Variants in SDCBP observed in about 807,000 individuals in gnomAD.
SDCBP encodes syntenin-1.
A neutral mutation model predicts 30.5 loss-of-function variants in SDCBP; 22 were observed. The ratio of observed to expected loss-of-function variants is 0.72; its 90% CI spans 0.52 to 1.03. The LOEUF is 1.03. Ranked by LOEUF, SDCBP falls within the 50% of genes least tolerant of loss-of-function variation. SDCBP has a pLI of 0.00. For missense variants in SDCBP, 304 were observed against 369.9 expected (o/e 0.82, Z 1.46); for synonymous variants, 103 against 118.7 (o/e 0.87, Z 0.86).
At chr8:58,580,677 C>A in intron 8 of SDCBP, 69 bp downstream of exon 8, 1 of 844,480 alleles carries the variant, frequency 1.2e-6, no homozygotes, top group Non-Finnish European at 2.0e-6. Context: ...TACTTTAATT[C>A]TCAGCCCTTT....
At chr8:58,560,927 T>A (rs528111432) in intron 1 of SDCBP, 1 of 152,266 alleles carries the variant, frequency 6.6e-6, no homozygotes, top group African/African-American at 2.4e-5. Flanking sequence ...AACACAGATA[T>A]CTTCATTATC....
intron 3 of SDCBP, among the ~76,000 whole-genome samples, chr8:58,571,806 A>G (rs1268943186): frequency 6.6e-6 from 1 of 152,218 alleles, no homozygotes; most frequent in Non-Finnish European, 1.5e-5. Context: ...AATGAGTTAT[A>G]AAGTAGCTGA....
In SDCBP at chr8:58,582,457, T is replaced by C. The variant is rs1805746198; in HGVS notation, c.*717T>C. ...CTAGCCCAGAACAGTTTAATGGTAC[T>C]TACTGAGCTATAGCATAGCTGCTTA... On this transcript the variant is annotated 3_prime_UTR_variant, in exon 9 of 9. Coordinates refer to ENST00000260130, the MANE Select transcript of SDCBP (RefSeq NM_005625.4). 6.5e-6 allele frequency: 1 copy of C among 152,676 alleles called. No homozygotes were observed. The highest frequency in any genetic ancestry group is 1.5e-5 in the Non-Finnish European group (1 of 68,056). The allele number at this position is 152,676 out of a possible 1,614,324, so 9.5% of individuals were successfully genotyped here.
At position 58,581,818 on chromosome 8, in the gene SDCBP, C is replaced by A; in HGVS notation, c.*78C>A. The A allele has an allele frequency of 1.7e-6, 2 of 1,199,930 alleles. No homozygotes were observed. Among genetic ancestry groups the A allele is most frequent in the Non-Finnish European group, 2.5e-6 (2 of 805,738 alleles). The allele number at this position is 1,199,930 out of a possible 1,614,324, so 74.3% of individuals were successfully genotyped here. On this transcript the variant is annotated 3_prime_UTR_variant, in exon 9 of 9. Transcript: ENST00000260130. ...CAACTTCTGTATTATGCACGTGAAG[C>A]CTTCCCGGAGCCAGCGAGCATATGC...
intron 1 of SDCBP, chr8:58,561,917 A>G: frequency 1.9e-6 from 1 of 530,358 alleles, no homozygotes; most frequent in Admixed American, 3.6e-5. Flanking sequence ...GTAATGCAGT[A>G]TGGGGATGGA....
chr8:58,554,840 C>A (rs1804010843), intron 1 of SDCBP, among the ~76,000 whole-genome samples: 1 of 152,168 alleles, frequency 6.6e-6, no homozygotes, highest in Non-Finnish European at 1.5e-5. Context: ...TTATTAATTT[C>A]TTTTCAAGTG....
intron 5 of SDCBP, 97 bp from the exon 6 acceptor site, chr8:58,577,936 A>G: frequency 1.1e-6 from 1 of 893,086 alleles, no homozygotes; most frequent in Non-Finnish European, 1.7e-6. Flanking sequence ...TCACTGGGGT[A>G]GAGTTTTCAA....
Position 58,572,197 on chromosome 8 carries a change from CT to C in SDCBP, c.131-3del. 1.9e-6 allele frequency: 3 copies of C among 1,542,490 alleles called. No homozygotes were observed. Among genetic ancestry groups the C allele is most frequent in the Non-Finnish European group, 2.7e-6 (3 of 1,119,570 alleles). ...AAGTGCTTTTTAATTTATTCATTTA[CT>C]TTTTAGATCTCTATCCCAGACTGTA... On this transcript the variant is annotated splice_polypyrimidine_tract_variant and splice_region_variant and intron_variant, in intron 3 of 8. Coordinates refer to ENST00000260130, the MANE Select transcript of SDCBP (RefSeq NM_005625.4).
In SDCBP at chr8:58,578,127, G is replaced by C. The variant is rs1295445780; in HGVS notation, c.497G>C (p.Cys166Ser). 5.0e-6 allele frequency: 8 copies of C among 1,613,372 alleles called. No homozygotes were observed. The highest frequency in any genetic ancestry group is 6.8e-6 in the Non-Finnish European group (8 of 1,179,650). Residue 166 changes from cysteine to serine, a missense_variant, in exon 6 of 9, where the codon TGT becomes TCT. Cys to Ser is a moderately radical substitution (Grantham distance 112). Coordinates refer to ENST00000260130, the MANE Select transcript of SDCBP (RefSeq NM_005625.4). ...GTACTTCAGATCAATGGTGAAAACT[G>C]TGCAGGATGGAGCTCTGATAAAGCG... Reference protein sequence around the residue: ...DQVLQINGENCAGWSSDKAHK... With the variant: ...DQVLQINGENSAGWSSDKAHK...
At chr8:58,580,479 C>A in intron 7 of SDCBP, 38 bp from the exon 8 acceptor site, 2 of 981,418 alleles carry the variant, frequency 2.0e-6, no homozygotes, top group Non-Finnish European at 3.3e-6. Context: ...TTAAATAAAG[C>A]CTCTGTGGAA....
chr8:58,579,939 G>T (rs975145858), intron 7 of SDCBP, 145 bp downstream of exon 7: 9 of 628,692 alleles, frequency 1.4e-5, no homozygotes, highest in African/African-American at 9.4e-5. Context: ...GCCAGTCACC[G>T]GAATTATTTG....
intron 3 of SDCBP, 130 bp from the exon 4 acceptor site, chr8:58,572,075 G>T: frequency 1.7e-6 from 1 of 590,092 alleles, no homozygotes; most frequent in East Asian, 2.7e-5. Context: ...TTTCCAAATT[G>T]CTACTTTAAA....
chr8:58,566,599 T>C (rs1045840595), intron 2 of SDCBP, among the ~76,000 whole-genome samples: 6 of 152,188 alleles, frequency 3.9e-5, no homozygotes, highest in Non-Finnish European at 7.4e-5. Flanking sequence ...GTGGGAAACA[T>C]GGTTCTTTTA....
chr8:58,559,953 A>C (rs1271813467), intron 1 of SDCBP, among the ~76,000 whole-genome samples: 1 of 152,230 alleles, frequency 6.6e-6, no homozygotes, highest in Non-Finnish European at 1.5e-5. Flanking sequence ...GAAAGAGAAG[A>C]CTGAAACATC....
chr8:58,565,139 T>C, intron 2 of SDCBP, 55 bp downstream of exon 2: 1 of 881,794 alleles, frequency 1.1e-6, no homozygotes, highest in Non-Finnish European at 1.7e-6. Context: ...GCATTCTACT[T>C]ATAGGTGAAA....
Position 58,570,980 on chromosome 8 carries a change from T to G in SDCBP, c.130+15T>G. 1 of 1,566,210 alleles carries G rather than the reference T, an allele frequency of 6.4e-7. No homozygotes were observed. On this transcript the variant is annotated intron_variant, in intron 3 of 8. Coordinates refer to ENST00000260130, the MANE Select transcript of SDCBP (RefSeq NM_005625.4). ...TCACGATGGAAGTAGGTTTATACTT[T>G]GAGTTCATTCTCTGTGAACAGAAAT...
chr8:58,572,798 A>ATTTT (rs1805098884), intron 4 of SDCBP, among the ~76,000 whole-genome samples: 5 of 116,744 alleles, frequency 4.3e-5, no homozygotes, highest in South Asian at 2.9e-4. Flanking sequence ...GTTGCTCATA[A>ATTTT]TCTTTTTTTT....
At chr8:58,557,002 ATT>A (rs1357047379) in intron 1 of SDCBP, among the ~76,000 whole-genome samples, 5 of 135,306 alleles carry the variant, frequency 3.7e-5, no homozygotes, top group African/African-American at 1.4e-4. Flanking sequence ...ATATCATACT[ATT>A]ATACTATATC....
intron 4 of SDCBP, among the ~76,000 whole-genome samples, chr8:58,574,829 G>C (rs75735655): frequency 4.6e-5 from 7 of 152,094 alleles, no homozygotes; most frequent in Non-Finnish European, 1.0e-4. Context: ...GGTTATTAAC[G>C]TATCTGTCAT....
Sources: allele counts gnomAD v4.1 joint callset (sites outside exome capture counted in the v4.1 genomes callset), GRCh38; gene constraint gnomAD v4.1.1; transcripts MANE v1.5; gene names NCBI Gene and HGNC (gene_info 2026-07-23, HGNC 2026-07-21).